The following DCHS2 variants were observed in gnomAD, a reference collection of about 807,000 sequenced individuals.
DCHS2 encodes dachsous cadherin-related 2.
In DCHS2, 142 loss-of-function variants were observed where a neutral mutation model predicts 182.4. The observed-to-expected ratio is 0.78, with a 90% confidence interval of 0.68 to 0.89. DCHS2 has a LOEUF of 0.89. DCHS2 is among the 40% of genes least tolerant of loss of function. DCHS2 has a pLI of 0.00. For synonymous variants in DCHS2, 1,740 were observed against 1,663.3 expected, an observed-to-expected ratio of 1.05 and a Z score of -1.12; for missense variants, 4,319 against 4,198.6, an observed-to-expected ratio of 1.03 and a Z score of -0.79.
chr4:154,294,272 C>T (rs1182267531), intron 13 of DCHS2, among the ~76,000 whole-genome samples: 1 of 152,048 alleles, frequency 6.6e-6, no homozygotes, highest in Non-Finnish European at 1.5e-5. Context: ...TATAATATAT[C>T]AAATATATAG....
chr4:154,297,013 A>C (rs1396322196), intron 13 of DCHS2, among the ~76,000 whole-genome samples: 1 of 152,220 alleles, frequency 6.6e-6, no homozygotes, highest in Admixed American at 6.5e-5. Context: ...CAAAAAATGA[A>C]CAAACGAGGA....
At position 154,490,666 on chromosome 4, in the gene DCHS2, T is replaced by TGGCCCCGGAGTCCGGTAGC; in HGVS notation, c.671_689dup (p.Ser233AspfsTer63). The TGGCCCCGGAGTCCGGTAGC allele has an allele frequency of 6.4e-7, 1 of 1,551,480 alleles. No individual in the cohort carries two copies. The highest frequency in any genetic ancestry group is 8.7e-7 in the Non-Finnish European group (1 of 1,146,884). ...AGCCTGGCAAAAGCGGTGACGGTAGTGGCCCCGGAGTCCGGTAGCGCAACT... is the reference window on the plus strand; with the variant it reads ...AGCCTGGCAAAAGCGGTGACGGTAGTGGCCCCGGAGTCCGGTAGCGGCCCCGGAGTCCGGTAGCGCAACT... On this transcript the variant is annotated frameshift_variant, in exon 1 of 20. Coordinates refer to ENST00000357232, the MANE Select transcript of DCHS2 (RefSeq NM_001358235.2). LOFTEE classifies it high-confidence loss of function.
At chr4:154,389,767 C>A (rs867370579) in intron 1 of DCHS2, among the ~76,000 whole-genome samples, 1 of 151,016 alleles carries the variant, frequency 6.6e-6, no homozygotes, top group Non-Finnish European at 1.5e-5. Flanking sequence ...AAAACACACA[C>A]ACAAATCAAA....
chr4:154,277,693 A>C (rs192983730), intron 13 of DCHS2, among the ~76,000 whole-genome samples: 8 of 152,192 alleles, frequency 5.3e-5, no homozygotes, highest in Admixed American at 5.2e-4. Flanking sequence ...AATCAATGGA[A>C]TAAAACAAAT....
chr4:154,350,461 A>G (rs1729556595), intron 3 of DCHS2, among the ~76,000 whole-genome samples: 2 of 152,294 alleles, frequency 1.3e-5, no homozygotes, highest in Non-Finnish European at 1.5e-5. Flanking sequence ...TGCTTTGCCA[A>G]CTGACTACTT....
chr4:154,479,566 T>C (rs59686383), intron 1 of DCHS2, among the ~76,000 whole-genome samples: 25,413 of 152,150 alleles, frequency 0.17, 2,583 homozygotes, highest in Admixed American at 0.28. Context: ...TAAGATATTA[T>C]GAATTTAGAT....
intron 2 of DCHS2, among the ~76,000 whole-genome samples, chr4:154,369,561 G>A (rs1159835165): frequency 1.3e-5 from 2 of 152,186 alleles, no homozygotes; most frequent in Non-Finnish European, 2.9e-5. Context: ...GACTGAGTCA[G>A]AGCCACCCAG....
chr4:154,334,064 T>G (rs1728660568), intron 4 of DCHS2: 1 of 152,966 alleles, frequency 6.5e-6, no homozygotes, highest in African/African-American at 2.4e-5. Flanking sequence ...CTCTCTTCCT[T>G]CATCCCTCTT....
chr4:154,383,976 C>A (rs1276729992), intron 1 of DCHS2, among the ~76,000 whole-genome samples: 1 of 152,100 alleles, frequency 6.6e-6, no homozygotes, highest in African/African-American at 2.4e-5. Context: ...TTTTTCTATC[C>A]ATGAGCATTT....
At chr4:154,274,354 G>A (rs188099538) in intron 13 of DCHS2, among the ~76,000 whole-genome samples, 1 of 152,126 alleles carries the variant, frequency 6.6e-6, no homozygotes, top group African/African-American at 2.4e-5. Flanking sequence ...TACCATCTCT[G>A]ATAGAGAAGA....
intron 1 of DCHS2, among the ~76,000 whole-genome samples, chr4:154,396,055 GT>G: frequency 6.6e-6 from 1 of 152,296 alleles, no homozygotes. Flanking sequence ...AGCATCCTGA[GT>G]TTAGGAGAAG....
intron 1 of DCHS2, among the ~76,000 whole-genome samples, chr4:154,430,652 G>C (rs1733522696): frequency 6.6e-6 from 1 of 152,186 alleles, no homozygotes; most frequent in South Asian, 2.1e-4. Flanking sequence ...CTAAGCATGA[G>C]TTGTGTGGTG....
At chr4:154,263,119 G>T (rs1489737528) in intron 14 of DCHS2, among the ~76,000 whole-genome samples, 1 of 151,986 alleles carries the variant, frequency 6.6e-6, no homozygotes, top group Non-Finnish European at 1.5e-5. Context: ...TATAATCTTA[G>T]AGATAAATAT....
intron 3 of DCHS2, among the ~76,000 whole-genome samples, chr4:154,357,018 A>G (rs1242178419): frequency 1.3e-5 from 2 of 152,074 alleles, no homozygotes; most frequent in Non-Finnish European, 2.9e-5. Flanking sequence ...TCTCTGAATC[A>G]TCCAGGATTA....
intron 1 of DCHS2, among the ~76,000 whole-genome samples, chr4:154,410,908 C>T (rs1732603570): frequency 6.6e-6 from 1 of 152,102 alleles, no homozygotes. Context: ...TATAGGAATC[C>T]CCACTAGACT....
At chr4:154,287,014 T>A (rs1459984572) in intron 13 of DCHS2, among the ~76,000 whole-genome samples, 3 of 152,192 alleles carry the variant, frequency 2.0e-5, no homozygotes, top group African/African-American at 4.8e-5. Context: ...AGTAGACTTT[T>A]CAGTGGAAAC....
chr4:154,331,079 G>A (rs1414824383), intron 5 of DCHS2, among the ~76,000 whole-genome samples: 1 of 152,064 alleles, frequency 6.6e-6, no homozygotes, highest in African/African-American at 2.4e-5. Flanking sequence ...ATGAAAAGGG[G>A]GTGTGTCTCC....
intron 1 of DCHS2, among the ~76,000 whole-genome samples, chr4:154,381,946 T>C (rs1731187622): frequency 6.6e-6 from 1 of 152,138 alleles, no homozygotes; most frequent in Non-Finnish European, 1.5e-5. Context: ...CTAAAATTCA[T>C]ACGGAACTGA....
intron 13 of DCHS2, chr4:154,284,416 C>T (rs953380895): frequency 6.6e-6 from 1 of 152,222 alleles, no homozygotes; most frequent in Non-Finnish European, 1.5e-5. Flanking sequence ...CAAAAAAGGA[C>T]CTTCATAAGA....
Sources: gnomAD v4.1 joint callset for allele counts (sites outside exome capture counted in the v4.1 genomes callset) on GRCh38, gnomAD v4.1.1 for gene constraint, MANE v1.5 for transcripts, NCBI Gene and HGNC (gene_info 2026-07-23, HGNC 2026-07-21) for gene names.